The following ENTREP1 variants were observed in gnomAD, a reference collection of about 807,000 sequenced individuals.
The protein encoded by ENTREP1 is Friedreich ataxia region gene X123.
At chr9:69,385,879 G>T in the ENTREP1 span, 2 of 1,611,706 alleles carry the variant, frequency 1.2e-6, no homozygotes, top group African/African-American at 2.7e-5. Flanking sequence ...ATCAGAAGCC[G>T]GAGAGCCCTC....
chr9:69,329,474 C>T, the ENTREP1 span: 1 of 982,326 alleles, frequency 1.0e-6, no homozygotes, highest in Non-Finnish European at 1.2e-6. Context: ...TTTTAAAAAA[C>T]ACTTAAGAAT....
chr9:69,379,707 T>C, the ENTREP1 span: 51,274 of 152,070 alleles, frequency 0.34, 10,052 homozygotes, highest in South Asian at 0.42. Flanking sequence ...CCCTCTCCAA[T>C]AAGAAGAATT....
At chr9:69,327,655 A>T in the ENTREP1 span, among the ~76,000 whole-genome samples, 3 of 122,812 alleles carry the variant, frequency 2.4e-5, no homozygotes, top group Non-Finnish European at 5.5e-5. Flanking sequence ...GCCTTCCACC[A>T]GAAGGTGAAG....
At chr9:69,385,693 G>A in the ENTREP1 span, 1 of 1,417,586 alleles carries the variant, frequency 7.1e-7, no homozygotes, top group South Asian at 1.6e-5. Context: ...TGCCCTGGCA[G>A]GTTTAGGCTC....
chr9:69,361,952 G>A, the ENTREP1 span, among the ~76,000 whole-genome samples: 1 of 152,132 alleles, frequency 6.6e-6, no homozygotes, highest in South Asian at 2.1e-4. Context: ...AAGGATTTCT[G>A]CGTTAAAAAT....
At chr9:69,388,324 C>T in the ENTREP1 span, 4 of 1,614,160 alleles carry the variant, frequency 2.5e-6, no homozygotes, top group Non-Finnish European at 3.4e-6. Flanking sequence ...TGGCGAGGTT[C>T]CTGGAGCAGT....
At chr9:69,325,125 G>GTT in the ENTREP1 span, 4 of 1,035,166 alleles carry the variant, frequency 3.9e-6, no homozygotes, top group Non-Finnish European at 3.5e-6. Context: ...GGGTGCGGCC[G>GTT]GCTGGAGCCA....
the ENTREP1 span, among the ~76,000 whole-genome samples, chr9:69,367,920 CAT>C: frequency 7.6e-6 from 1 of 131,682 alleles, no homozygotes; most frequent in Admixed American, 7.9e-5. Flanking sequence ...TACACACACA[CAT>C]ATATATACAC....
the ENTREP1 span, among the ~76,000 whole-genome samples, chr9:69,372,285 C>G: frequency 6.6e-6 from 1 of 152,180 alleles, no homozygotes; most frequent in Non-Finnish European, 1.5e-5. Flanking sequence ...GACAACCAAT[C>G]TCTAGAACTC....
the ENTREP1 span, among the ~76,000 whole-genome samples, chr9:69,338,713 G>A: frequency 1.3e-5 from 2 of 152,124 alleles, no homozygotes; most frequent in Non-Finnish European, 2.9e-5. Context: ...ATAAAATTAA[G>A]CTATTATCAG....
the ENTREP1 span, among the ~76,000 whole-genome samples, chr9:69,367,834 T>TACACATATATATAAATATATAC: frequency 2.9e-5 from 3 of 101,788 alleles, no homozygotes; most frequent in African/African-American, 7.2e-5. Context: ...AATATATATA[T>TACACATATATATAAATATATAC]ACACATATAT....
the ENTREP1 span, chr9:69,383,959 C>G: frequency 1.2e-6 from 2 of 1,613,684 alleles, no homozygotes; most frequent in Non-Finnish European, 1.7e-6. Context: ...ATCTTCATTC[C>G]AAATGTCAGA....
the ENTREP1 span, among the ~76,000 whole-genome samples, chr9:69,364,130 G>A: frequency 6.6e-6 from 1 of 152,170 alleles, no homozygotes; most frequent in Non-Finnish European, 1.5e-5. Context: ...CTGCAAAGAG[G>A]AAATACCCAG....
chr9:69,342,526 T>G, the ENTREP1 span, among the ~76,000 whole-genome samples: 1 of 152,226 alleles, frequency 6.6e-6, no homozygotes, highest in East Asian at 1.9e-4. Flanking sequence ...TTTGGGAATT[T>G]TATCTTTCAC....
the ENTREP1 span, among the ~76,000 whole-genome samples, chr9:69,344,428 A>G: frequency 6.6e-6 from 1 of 152,190 alleles, no homozygotes; most frequent in Non-Finnish European, 1.5e-5. Context: ...TTGCTCTCCA[A>G]TTTGTATTTG....
At chr9:69,360,009 T>TGA in the ENTREP1 span, among the ~76,000 whole-genome samples, 8 of 152,074 alleles carry the variant, frequency 5.3e-5, no homozygotes, top group Non-Finnish European at 1.2e-4. Flanking sequence ...AACAGCCATT[T>TGA]GAGGTATCAC....
the ENTREP1 span, among the ~76,000 whole-genome samples, chr9:69,347,737 C>T: frequency 1.3e-5 from 2 of 152,112 alleles, no homozygotes; most frequent in Admixed American, 1.3e-4. Flanking sequence ...AATAATGAGC[C>T]CTACAGAGTG....
the ENTREP1 span, among the ~76,000 whole-genome samples, chr9:69,366,961 C>A: frequency 6.6e-6 from 1 of 152,052 alleles, no homozygotes; most frequent in Non-Finnish European, 1.5e-5. Context: ...CTGTCACCCA[C>A]GCTGAAGTGC....
the ENTREP1 span, among the ~76,000 whole-genome samples, chr9:69,369,131 T>G: frequency 1.3e-5 from 2 of 152,318 alleles, no homozygotes. Flanking sequence ...GTTTCCAGCT[T>G]TATCCATGTC....
Sources: allele counts gnomAD v4.1 joint callset (sites outside exome capture counted in the v4.1 genomes callset), GRCh38; gene constraint gnomAD v4.1.1; transcripts MANE v1.5; gene names NCBI Gene and HGNC (gene_info 2026-07-23, HGNC 2026-07-21).